CRTAC1: variants seen among roughly 807,000 people sequenced by gnomAD.
The protein encoded by CRTAC1 is cartilage acidic protein 1, also known as acidic secreted protein in cartilage.
CRTAC1 carries 37 observed loss-of-function variants against 67.8 expected under a neutral mutation model. That is an observed-to-expected ratio of 0.55 (90% CI 0.42 to 0.72). CRTAC1 has a LOEUF of 0.72. CRTAC1 is among the 30% of genes least tolerant of loss of function. The pLI, the probability that CRTAC1 is intolerant of heterozygous loss-of-function variation, is 0.00. For missense variants in CRTAC1, 780 were observed against 931.6 expected, an observed-to-expected ratio of 0.84 and a Z score of 2.12; for synonymous variants, 348 against 371.0, an observed-to-expected ratio of 0.94 and a Z score of 0.71.
intron 11 of CRTAC1, among the ~76,000 whole-genome samples, chr10:97,888,005 A>G (rs1222927892): frequency 6.6e-6 from 1 of 152,220 alleles, no homozygotes; most frequent in Non-Finnish European, 1.5e-5. Flanking sequence ...TGCCTTAGAG[A>G]TGAGAAGGTG....
In CRTAC1 at chr10:97,895,765, C is replaced by T. The variant is rs916315016; in HGVS notation, c.1317+120G>A. ...GAATTTACTTCCCTCCTCCAGGGCC[C>T]GGGACTTCCATTACCCACCATGCTG... is the stretch of plus-strand genomic sequence containing the variant. On this transcript the variant is annotated intron_variant, in intron 10 of 14. Coordinates refer to ENST00000370597, the MANE Select transcript of CRTAC1 (RefSeq NM_018058.7). This position sits in a 1 kb window ranked among gnomAD's most constrained non-coding sequence, Gnocchi z 4.2. 4.6e-5 allele frequency: 36 copies of T among 782,900 alleles called. No homozygotes were observed. Among genetic ancestry groups the T allele is most frequent in the African/African-American group, 1.6e-4 (9 of 57,516 alleles). The allele number at this position is 782,900 out of a possible 1,614,324, so 48.5% of individuals were successfully genotyped here. A position where few individuals can be genotyped will look rare whatever the true frequency, so the allele number is the denominator to read the frequency against.
chr10:98,023,406 C>T (rs1032432250), intron 1 of CRTAC1, among the ~76,000 whole-genome samples: 8 of 152,220 alleles, frequency 5.3e-5, no homozygotes, highest in Non-Finnish European at 1.2e-4. Flanking sequence ...CTCATTTGTG[C>T]ACCCACTGAG....
At chr10:97,991,127 AGAT>A (rs1842447659) in intron 2 of CRTAC1, among the ~76,000 whole-genome samples, 1 of 114,606 alleles carries the variant, frequency 8.7e-6, no homozygotes, top group Non-Finnish European at 1.7e-5. Context: ...AAAAAAAAAA[AGAT>A]TATCTCAGTG....
chr10:97,885,995 C>T (rs1387487759), intron 11 of CRTAC1, among the ~76,000 whole-genome samples: 1 of 152,202 alleles, frequency 6.6e-6, no homozygotes. Context: ...ATGATAGCTA[C>T]TATGGGGTGG....
intron 11 of CRTAC1, among the ~76,000 whole-genome samples, chr10:97,892,991 C>T (rs544766146): frequency 5.7e-4 from 87 of 152,320 alleles, no homozygotes; most frequent in Non-Finnish European, 8.2e-4. Context: ...AAAAACCACA[C>T]GCTCAAGGAA....
chr10:97,886,990 G>A (rs1335166097), intron 11 of CRTAC1, among the ~76,000 whole-genome samples: 8 of 151,338 alleles, frequency 5.3e-5, no homozygotes, highest in Admixed American at 4.6e-4. Context: ...ATCTTGAGGC[G>A]CAAGAGATTT....
At chr10:98,018,980 G>T (rs572857189) in intron 1 of CRTAC1, among the ~76,000 whole-genome samples, 11 of 152,284 alleles carry the variant, frequency 7.2e-5, no homozygotes, top group African/African-American at 2.4e-4. Context: ...TGTGCTAGGT[G>T]CTAGGGTCAC....
chr10:98,028,985 G>T (rs1843299502), intron 1 of CRTAC1, among the ~76,000 whole-genome samples: 1 of 152,140 alleles, frequency 6.6e-6, no homozygotes, highest in Non-Finnish European at 1.5e-5. Flanking sequence ...TGTTCTAATT[G>T]TGGTCCTCTG....
At chr10:97,949,738 G>C (rs369867382) in intron 2 of CRTAC1, among the ~76,000 whole-genome samples, 4 of 152,328 alleles carry the variant, frequency 2.6e-5, no homozygotes, top group East Asian at 3.9e-4. Context: ...CAACTCTTCA[G>C]CTGTGTGGGT....
rs2051569806 is a variant in CRTAC1, at chr10:97,963,932, GT to G, written c.225-27567del. ...GCAATGAGCTGGAGTTCAAACCCAG[GT>G]TTGTCTGTCTCCAGGACTCATACCT... is the stretch of plus-strand genomic sequence containing the variant. On this transcript the variant is annotated intron_variant, in intron 2 of 14. Coordinates refer to ENST00000370597, the MANE Select transcript of CRTAC1 (RefSeq NM_018058.7). Among the ~76,000 whole-genome samples the G allele has an allele frequency of 2.0e-5, 3 of 152,152 alleles. No individual in the cohort carries two copies. In the South Asian group the frequency reaches 6.2e-4, roughly 32 times the overall value.
intron 2 of CRTAC1, among the ~76,000 whole-genome samples, chr10:97,959,114 A>G (rs2051484596): frequency 6.6e-6 from 1 of 152,214 alleles, no homozygotes; most frequent in Non-Finnish European, 1.5e-5. Flanking sequence ...TCTGTGAGTT[A>G]CCAGTAATAA....
chr10:98,018,817 A>ACC, intron 1 of CRTAC1, among the ~76,000 whole-genome samples: 1 of 145,562 alleles, frequency 6.9e-6, no homozygotes, highest in East Asian at 1.9e-4. Flanking sequence ...AGCCACGGGA[A>ACC]CACTGCCCCA....
At chr10:98,001,704 AGG>A (rs903729833) in intron 2 of CRTAC1, among the ~76,000 whole-genome samples, 1 of 152,224 alleles carries the variant, frequency 6.6e-6, no homozygotes, top group Admixed American at 6.5e-5. Flanking sequence ...AAGGTAAACT[AGG>A]GGAGAGCATG....
chr10:97,902,956 G>C (rs540548830), intron 7 of CRTAC1, among the ~76,000 whole-genome samples: 1 of 151,994 alleles, frequency 6.6e-6, no homozygotes, highest in Non-Finnish European at 1.5e-5. Context: ...ATCTCTAGCC[G>C]TTATGATTCT....
chr10:97,908,135 A>G lies in CRTAC1; in HGVS notation c.728T>C (p.Val243Ala). 1 of 1,614,058 alleles carries G rather than the reference A, an allele frequency of 6.2e-7. No homozygotes were observed. Among genetic ancestry groups the G allele is most frequent in the Non-Finnish European group, 8.5e-7 (1 of 1,179,994 alleles). The change falls in exon 6 of 15, where the codon GTC (valine) becomes GCC (alanine). Residue 243 changes from valine to alanine, a missense_variant. Physicochemically the swap from Val to Ala is moderately conservative, Grantham distance 64. Coordinates refer to ENST00000370597, the MANE Select transcript of CRTAC1 (RefSeq NM_018058.7). ...GCTGCTGAGGATGGGGCCCACGCTG[A>G]CGCCTCGGCCCCCTAGAAAAGACAT... ...GVSKYTGGRG[V>A]SVGPILSSSA...
intron 2 of CRTAC1, among the ~76,000 whole-genome samples, chr10:97,946,202 A>C (rs2051261158): frequency 6.6e-6 from 1 of 152,242 alleles, no homozygotes; most frequent in Admixed American, 6.5e-5. Flanking sequence ...AGGCTGTGTT[A>C]ATCAGGATTC....
At chr10:97,944,641 C>T (rs1042254283) in intron 2 of CRTAC1, among the ~76,000 whole-genome samples, 1 of 152,186 alleles carries the variant, frequency 6.6e-6, no homozygotes, top group African/African-American at 2.4e-5. Context: ...GACATGGAGT[C>T]TATTTCTCCT....
At chr10:97,884,522 A>G (rs982105592) in intron 11 of CRTAC1, 171 bp from the exon 12 acceptor site, 96 of 636,802 alleles carry the variant, frequency 1.5e-4, no homozygotes, top group Non-Finnish European at 2.3e-4. Flanking sequence ...CTCTGGAGCA[A>G]TGCTGTCCAA....
At chr10:98,026,197 C>T (rs1177905740) in intron 1 of CRTAC1, among the ~76,000 whole-genome samples, 1 of 152,208 alleles carries the variant, frequency 6.6e-6, no homozygotes, top group Non-Finnish European at 1.5e-5. Context: ...GGTTGTCAGC[C>T]TCATCATTTA....
Sources: allele counts gnomAD v4.1 joint callset (sites outside exome capture counted in the v4.1 genomes callset), GRCh38; gene constraint gnomAD v4.1.1; non-coding constraint Gnocchi (gnomAD v3.1); transcripts MANE v1.5; gene names NCBI Gene and HGNC (gene_info 2026-07-23, HGNC 2026-07-21).